The following PLEKHA1 variants were observed in gnomAD, a reference collection of about 807,000 sequenced individuals.
PLEKHA1 encodes the protein pleckstrin homology domain-containing family A member 1.
A neutral mutation model predicts 52.0 loss-of-function variants in PLEKHA1; 34 were observed. The ratio of observed to expected loss-of-function variants is 0.65; its 90% CI spans 0.50 to 0.87. PLEKHA1 has a LOEUF of 0.87. PLEKHA1 is among the 40% of genes least tolerant of loss of function. The pLI, the probability that PLEKHA1 is intolerant of heterozygous loss-of-function variation, is 0.00. For missense variants in PLEKHA1, 497 were observed against 504.2 expected (o/e 0.99, Z 0.14); for synonymous variants, 163 against 170.7 (o/e 0.95, Z 0.35).
intron 1 of PLEKHA1, among the ~76,000 whole-genome samples, chr10:122,380,038 T>C (rs185846619): frequency 7.1e-4 from 108 of 152,358 alleles, no homozygotes; most frequent in Admixed American, 1.2e-3. Flanking sequence ...TGTCTGGTTT[T>C]GCCTCATGTA....
chr10:122,429,981 T>G lies in PLEKHA1; in HGVS notation c.*43T>G, dbSNP rs2097402874. The G allele has an allele frequency of 1.3e-6, 2 of 1,556,938 alleles. No individual in the cohort carries two copies. The highest frequency in any genetic ancestry group is 1.7e-6 in the Non-Finnish European group (2 of 1,153,332). On this transcript the variant is annotated 3_prime_UTR_variant, in exon 12 of 12. Coordinates refer to ENST00000368990, the MANE Select transcript of PLEKHA1 (RefSeq NM_001001974.4). The stretch of plus-strand genomic sequence containing the variant: ...CCTGCCTGCCTCTGCCGTCCTCAGT[T>G]TCCTTTCATGAGGCTTCTAGCCAAA...
chr10:122,395,335 C>T (rs2096835860), intron 2 of PLEKHA1, among the ~76,000 whole-genome samples: 1 of 152,034 alleles, frequency 6.6e-6, no homozygotes, highest in Non-Finnish European at 1.5e-5. Flanking sequence ...TTTATATCTT[C>T]TTTCCAACTT....
chr10:122,385,113 C>T (rs1242914140), intron 1 of PLEKHA1, among the ~76,000 whole-genome samples: 1 of 151,944 alleles, frequency 6.6e-6, no homozygotes, highest in Non-Finnish European at 1.5e-5. Flanking sequence ...GAGAAGTATC[C>T]TCATGCCACT....
chr10:122,416,991 T>C (rs1428585976), intron 7 of PLEKHA1: 1 of 154,334 alleles, frequency 6.5e-6, no homozygotes, highest in Non-Finnish European at 1.5e-5. Context: ...CAGGCTGTGA[T>C]GCTCAGTTGT....
intron 1 of PLEKHA1, among the ~76,000 whole-genome samples, chr10:122,375,814 C>T (rs1009649394): frequency 2.6e-5 from 4 of 152,184 alleles, no homozygotes; most frequent in African/African-American, 9.7e-5. Context: ...CTGTTTGTTT[C>T]ACCTTCCAAT....
downstream of PLEKHA1, chr10:122,436,581 A>G (rs975145411): frequency 2.6e-5 from 4 of 152,216 alleles, no homozygotes; most frequent in African/African-American, 9.7e-5. Flanking sequence ...TCAGTGTACG[A>G]CATGCAGCAC....
intron 4 of PLEKHA1, among the ~76,000 whole-genome samples, chr10:122,402,247 T>TA (rs2096939740): frequency 6.6e-6 from 1 of 152,180 alleles, no homozygotes; most frequent in Non-Finnish European, 1.5e-5. Flanking sequence ...AATCAAAAAC[T>TA]AAGATTAGTC....
chr10:122,401,898 G>A (rs1038589861), intron 4 of PLEKHA1, among the ~76,000 whole-genome samples: 4 of 152,158 alleles, frequency 2.6e-5, no homozygotes, highest in African/African-American at 9.7e-5. Context: ...TCTTTAGGCA[G>A]TAGTTAGGAA....
intron 8 of PLEKHA1, 164 bp from the exon 9 acceptor site, chr10:122,424,035 A>T (rs1021266358): frequency 3.0e-5 from 26 of 880,464 alleles, no homozygotes; most frequent in Non-Finnish European, 4.2e-5. Context: ...TGTTTGAGCT[A>T]TTCAGATGCT....
At chr10:122,391,961 T>C (rs2096782151) in intron 1 of PLEKHA1, among the ~76,000 whole-genome samples, 1 of 152,132 alleles carries the variant, frequency 6.6e-6, no homozygotes, top group South Asian at 2.1e-4. Context: ...TAAGTTAAAT[T>C]TACCTTGAGC....
At chr10:122,374,995 T>C (rs922854643) in intron 1 of PLEKHA1, 189 bp downstream of exon 1, 18 of 151,904 alleles carry the variant, frequency 1.2e-4, no homozygotes, top group Middle Eastern at 6.8e-3. Context: ...TCTGCGCACG[T>C]CCGCGCCACG....
intron 1 of PLEKHA1, chr10:122,386,576 C>T (rs2096702600): frequency 6.6e-6 from 1 of 152,036 alleles, no homozygotes; most frequent in Non-Finnish European, 1.5e-5. Context: ...GTCCTGAAGA[C>T]TTTGTCCTAT....
At chr10:122,392,234 C>T (rs571716991) in intron 1 of PLEKHA1, 2 of 152,064 alleles carry the variant, frequency 1.3e-5, no homozygotes, top group Admixed American at 1.3e-4. Flanking sequence ...TAATGTCTCT[C>T]TTTTTCTTTT....
At chr10:122,441,785 A>T in the PLEKHA1 span, 3 of 152,244 alleles carry the variant, frequency 2.0e-5, no homozygotes, top group Non-Finnish European at 4.4e-5. Flanking sequence ...TACCACATAT[A>T]AACACCAACT....
At chr10:122,379,784 G>C (rs1260549968) in intron 1 of PLEKHA1, among the ~76,000 whole-genome samples, 1 of 152,212 alleles carries the variant, frequency 6.6e-6, no homozygotes, top group Non-Finnish European at 1.5e-5. Flanking sequence ...ACAAATAATA[G>C]TGAAGTCTTG....
downstream of PLEKHA1, chr10:122,432,765 C>T (rs938084732): frequency 6.6e-6 from 1 of 152,122 alleles, no homozygotes; most frequent in Non-Finnish European, 1.5e-5. Context: ...AAAACTATGT[C>T]GGGTGTTAGA....
At chr10:122,424,372 A>T (rs2097307934) in intron 9 of PLEKHA1, 109 bp downstream of exon 9, 2 of 1,243,090 alleles carry the variant, frequency 1.6e-6, no homozygotes, top group African/African-American at 1.6e-5. Context: ...AATTGTAGTT[A>T]TTTTTAACTC....
At chr10:122,427,923 T>C (rs2097363838) in intron 11 of PLEKHA1, among the ~76,000 whole-genome samples, 1 of 152,256 alleles carries the variant, frequency 6.6e-6, no homozygotes, top group South Asian at 2.1e-4. Context: ...TTTATTAGTT[T>C]TCTGGTAGTG....
chr10:122,427,488 C>G (rs993442552), intron 11 of PLEKHA1, among the ~76,000 whole-genome samples: 3 of 152,154 alleles, frequency 2.0e-5, no homozygotes, highest in Admixed American at 6.5e-5. Context: ...TTTGGCTTAA[C>G]CATGCCATCA....
Sources: gnomAD v4.1 joint callset for allele counts (sites outside exome capture counted in the v4.1 genomes callset) on GRCh38, gnomAD v4.1.1 for gene constraint, MANE v1.5 for transcripts, NCBI Gene and HGNC (gene_info 2026-07-23, HGNC 2026-07-21) for gene names.